CENPN: variants seen among roughly 807,000 people sequenced by gnomAD.
The protein encoded by CENPN is interphase centromere complex protein 32.
Under a neutral mutation model 48.6 loss-of-function variants are expected in CENPN, and 36 were observed. The observed-to-expected ratio is 0.74, with a 90% CI of 0.57 to 0.98. CENPN has a LOEUF of 0.98. CENPN is among the 50% of genes least tolerant of loss of function. CENPN has a pLI of 0.00. For synonymous variants in CENPN, 166 were observed against 135.2 expected (o/e 1.23, Z -1.58); for missense variants, 439 against 399.2 (o/e 1.10, Z -0.85).
chr16:81,014,161 C>T lies in CENPN; in HGVS notation c.197C>T (p.Ala66Val), dbSNP rs762240209. Residue 66 changes from alanine (A) to valine (V), a missense_variant, in exon 3 of 11, where the codon GCT (alanine) becomes GTT (valine). Physicochemically the swap from Ala to Val is moderately conservative, Grantham distance 64. Transcript: ENST00000305850. Reference protein sequence around the residue: ...CEEKRASISDAALLDIIYMQF... With the variant: ...CEEKRASISDVALLDIIYMQF... ...GAAAAGCGTGCAAGTATCAGTGATG[C>T]TGCCCTGTTAGACATCATTTGTAAG... is the stretch of plus-strand genomic sequence containing the variant. 4 of 1,613,272 alleles carry T rather than the reference C, an allele frequency of 2.5e-6. No homozygotes were observed. The highest frequency in any genetic ancestry group is 1.7e-6 in the Non-Finnish European group (2 of 1,179,336).
At chr16:81,028,394 C>G in intron 10 of CENPN, 97 bp downstream of exon 10, 1 of 1,511,778 alleles carries the variant, frequency 6.6e-7, no homozygotes, top group Non-Finnish European at 9.1e-7. Context: ...CACCCATCAC[C>G]CTAGTCTGCT....
chr16:81,011,813 G>T, intron 1 of CENPN, 117 bp from the exon 2 acceptor site: 1 of 807,792 alleles, frequency 1.2e-6, no homozygotes, highest in Non-Finnish European at 1.9e-6. Context: ...GACCAACGTG[G>T]GCAATCTAGT....
rs911681289 is a variant in CENPN at position 81,028,738 on chromosome 16, G to A, written c.*87G>A. On this transcript the variant is annotated 3_prime_UTR_variant, in exon 11 of 11. Coordinates refer to ENST00000305850, the MANE Select transcript of CENPN (RefSeq NM_001100624.3). The stretch of plus-strand genomic sequence containing the variant: ...ATGGCTAGCTGTATAGCTTCCGTCT[G>A]TAAACTTGTATTTTCAAGAATCCTT... 1.0e-5 allele frequency: 15 copies of A among 1,503,522 alleles called. No individual in the cohort carries two copies. In the Admixed American group the frequency reaches 3.2e-4, roughly 32 times the overall value. The allele number at this position is 1,503,522 out of a possible 1,614,324, so 93.1% of individuals were successfully genotyped here.
intron 7 of CENPN, chr16:81,024,028 T>G (rs1970344300): frequency 6.6e-6 from 1 of 150,600 alleles, no homozygotes; most frequent in Non-Finnish European, 1.5e-5. Flanking sequence ...TTGCAGTGAG[T>G]GGAGATAGTG....
At chr16:81,024,572 A>G in intron 7 of CENPN, 143 bp from the exon 8 acceptor site, 1 of 542,832 alleles carries the variant, frequency 1.8e-6, no homozygotes, top group Middle Eastern at 5.3e-4. Flanking sequence ...TGCTCAACTC[A>G]GCCAACTCAG....
intron 2 of CENPN, among the ~76,000 whole-genome samples, chr16:81,012,590 T>C (rs1206823217): frequency 6.6e-6 from 1 of 152,222 alleles, no homozygotes; most frequent in Non-Finnish European, 1.5e-5. Context: ...TTCACTTTTA[T>C]TTATTTATTT....
chr16:81,029,739 T>G lies in CENPN; in HGVS notation c.*1088T>G, dbSNP rs748579699. ...ACAGGCCTGCACCACCATGCCCAGC[T>G]AATTTTTGTATTTTTAGTAGAGACA... On this transcript the variant is annotated 3_prime_UTR_variant, in exon 11 of 11. Coordinates refer to ENST00000305850, the MANE Select transcript of CENPN (RefSeq NM_001100624.3). Among the ~76,000 whole-genome samples the G allele has an allele frequency of 1.5e-4, 23 of 152,186 alleles. No homozygotes were observed. The highest frequency in any genetic ancestry group is 2.8e-4 in the Non-Finnish European group (19 of 68,038).
At chr16:81,015,844 A>G (rs1969909627) in intron 3 of CENPN, among the ~76,000 whole-genome samples, 1 of 152,128 alleles carries the variant, frequency 6.6e-6, no homozygotes, top group Admixed American at 6.5e-5. Flanking sequence ...CATCTCTACT[A>G]AAAATACAAA....
downstream of CENPN, chr16:81,032,558 T>G (rs1597117836): frequency 6.3e-7 from 1 of 1,575,030 alleles, no homozygotes; most frequent in African/African-American, 1.4e-5. Flanking sequence ...TTCAGTGTTT[T>G]TTTTTTTTTA....
chr16:81,026,133 A>ATATATATG (rs1215293817), intron 8 of CENPN, among the ~76,000 whole-genome samples: 1 of 54,960 alleles, frequency 1.8e-5, no homozygotes, highest in South Asian at 1.3e-3. Context: ...ATATGTGTGT[A>ATATATATG]TATATATATG....
intron 6 of CENPN, 94 bp downstream of exon 6, chr16:81,020,370 A>G (rs1423455213): frequency 1.6e-6 from 2 of 1,264,058 alleles, no homozygotes; most frequent in Non-Finnish European, 2.1e-6. Context: ...TTGATAGAGA[A>G]TACTAGGCCA....
chr16:81,022,220 G>A (rs1176296223), intron 6 of CENPN: 2 of 231,126 alleles, frequency 8.7e-6, no homozygotes, highest in Non-Finnish European at 1.7e-5. Context: ...TTCAGTATTT[G>A]CCAAAAAGCA....
At chr16:81,021,386 A>C (rs1970188989) in intron 6 of CENPN, among the ~76,000 whole-genome samples, 1 of 151,874 alleles carries the variant, frequency 6.6e-6, no homozygotes, top group Admixed American at 6.6e-5. Context: ...AGCATTCACA[A>C]CCTCAGTGGC....
rs140502996 is a variant in CENPN at position 81,013,246 on chromosome 16, T to C, written c.172-890T>C. Among the ~76,000 whole-genome samples, 693 of 152,322 alleles carry C rather than the reference T, an allele frequency of 4.5e-3. 9 individuals are homozygous for C. Among genetic ancestry groups the C allele is most frequent in the African/African-American group, 0.016 (668 of 41,562 alleles). On this transcript the variant is annotated intron_variant, in intron 2 of 10. Coordinates refer to ENST00000305850, the MANE Select transcript of CENPN (RefSeq NM_001100624.3). ...GCTAACATATGGATGGATATCAAAA[T>C]AATTGTGCTGAGTAAAAGCCAGACC... is the stretch of plus-strand genomic sequence containing the variant.
downstream of CENPN, chr16:81,032,536 T>C (rs748447037): frequency 1.3e-6 from 2 of 1,553,392 alleles, no homozygotes; most frequent in Non-Finnish European, 1.7e-6. Flanking sequence ...ATCCGTCTTT[T>C]ATCAGTTGAT....
At position 81,028,561 on chromosome 16, in the gene CENPN, A is replaced by G. The variant is rs1354259980; in HGVS notation, c.938-8A>G. 6.4e-7 allele frequency: 1 copy of G among 1,562,854 alleles called. No individual in the cohort carries two copies. Among genetic ancestry groups the G allele is most frequent in the Non-Finnish European group, 8.6e-7 (1 of 1,157,986 alleles). On this transcript the variant is annotated splice_polypyrimidine_tract_variant and splice_region_variant and intron_variant, in intron 10 of 10. Coordinates refer to ENST00000305850, the MANE Select transcript of CENPN (RefSeq NM_001100624.3). ...TTCTTTTTCCCTTTTTTTTTTTTTT[A>G]ATTTCAGGTATTGCAGATGCTCCAC...
In CENPN at chr16:81,015,733, C is replaced by T. The variant is rs956948015; in HGVS notation, c.217+1552C>T. Among the ~76,000 whole-genome samples, 6 of 152,176 alleles carry T rather than the reference C, an allele frequency of 3.9e-5. 1 individual carries two copies. The highest frequency in any genetic ancestry group is 6.5e-5 in the Admixed American group (1 of 15,278). On this transcript the variant is annotated intron_variant, in intron 3 of 10. Transcript: ENST00000305850. ...AATTCATTAAGCACCTGGCTGGACG[C>T]AGTGGCTCACACCTGTAATCCCAGC...
chr16:81,012,011 C>A lies in CENPN; in HGVS notation c.72C>A (p.Ile24=). The A allele has an allele frequency of 1.2e-6, 2 of 1,614,032 alleles. No individual in the cohort carries two copies. Among genetic ancestry groups the A allele is most frequent in the East Asian group, 4.5e-5 (2 of 44,872 alleles). The change falls in exon 2 of 11, where the codon ATC becomes ATA. Residue 24 remains isoleucine (I), a synonymous_variant. Coordinates refer to ENST00000305850, the MANE Select transcript of CENPN (RefSeq NM_001100624.3). The part of the protein sequence containing the change: ...LKIPMNELTT[I]LKAWDFLSEN... The stretch of plus-strand genomic sequence containing the variant: ...TCCCCATGAATGAACTGACAACAAT[C>A]CTGAAGGCCTGGGATTTTTTGTCTG...
chr16:81,024,544 G>T, intron 7 of CENPN, 171 bp from the exon 8 acceptor site: 1 of 490,260 alleles, frequency 2.0e-6, no homozygotes, highest in Admixed American at 3.5e-5. Flanking sequence ...AGGCTCAGCA[G>T]CCTCCTTGTC....
Sources: allele counts gnomAD v4.1 joint callset (sites outside exome capture counted in the v4.1 genomes callset), GRCh38; gene constraint gnomAD v4.1.1; transcripts MANE v1.5; gene names NCBI Gene and HGNC (gene_info 2026-07-23, HGNC 2026-07-21).